The following GPC5 variants were observed in gnomAD, a reference collection of about 807,000 sequenced individuals.
The protein encoded by GPC5 is glypican 5.
Under a neutral mutation model 53.9 loss-of-function variants are expected in GPC5, and 47 were observed. The observed-to-expected ratio is 0.87, with a 90% CI of 0.69 to 1.11. GPC5 has a LOEUF of 1.11. GPC5 is among the 50% of genes most tolerant of loss of function. The pLI is 0.00. For missense variants in GPC5, 748 were observed against 713.1 expected (o/e 1.05, Z -0.56); for synonymous variants, 286 against 263.3 (o/e 1.09, Z -0.84).
At chr13:92,226,989 C>T (rs868538546) in intron 7 of GPC5, among the ~76,000 whole-genome samples, 6 of 152,140 alleles carry the variant, frequency 3.9e-5, no homozygotes, top group African/African-American at 9.7e-5. Context: ...ACCTTGGAAA[C>T]CTACAAGCAA....
At chr13:91,922,528 C>T (rs758712344) in intron 6 of GPC5, among the ~76,000 whole-genome samples, 1 of 152,136 alleles carries the variant, frequency 6.6e-6, no homozygotes, top group Non-Finnish European at 1.5e-5. Flanking sequence ...AAAATTATTA[C>T]GTTGACTTGA....
intron 7 of GPC5, among the ~76,000 whole-genome samples, chr13:92,830,294 G>A (rs763351589): frequency 8.6e-5 from 13 of 151,926 alleles, no homozygotes; most frequent in Non-Finnish European, 1.9e-4. Context: ...AGGATGTGCT[G>A]GAAATATTTG....
At chr13:92,848,416 G>A (rs927737532) in intron 7 of GPC5, among the ~76,000 whole-genome samples, 16 of 151,836 alleles carry the variant, frequency 1.1e-4, no homozygotes, top group African/African-American at 2.7e-4. Flanking sequence ...TAAAGTGTTC[G>A]TTTATATATC....
chr13:91,717,493 A>G (rs1225176723), intron 3 of GPC5, among the ~76,000 whole-genome samples: 1 of 152,158 alleles, frequency 6.6e-6, no homozygotes, highest in Non-Finnish European at 1.5e-5. Flanking sequence ...AGTGAAGGAA[A>G]TTCCAGTGCA....
intron 7 of GPC5, among the ~76,000 whole-genome samples, chr13:92,830,625 T>A (rs572055194): frequency 7.8e-4 from 119 of 152,240 alleles, no homozygotes; most frequent in Middle Eastern, 3.4e-3. Context: ...GGATTTTTTT[T>A]AAAAAAGCTT....
chr13:92,434,591 G>T (rs1453414824), intron 7 of GPC5, among the ~76,000 whole-genome samples: 1 of 152,072 alleles, frequency 6.6e-6, no homozygotes, highest in Non-Finnish European at 1.5e-5. Context: ...GGAAATAATG[G>T]TGCTTTAAAT....
intron 7 of GPC5, among the ~76,000 whole-genome samples, chr13:92,723,909 C>G (rs1888569098): frequency 1.3e-5 from 2 of 151,456 alleles, no homozygotes; most frequent in African/African-American, 4.8e-5. Context: ...AAAAATCTAC[C>G]CCTTTCTGTT....
intron 2 of GPC5, among the ~76,000 whole-genome samples, chr13:91,625,792 A>C (rs2033983201): frequency 6.6e-6 from 1 of 152,148 alleles, no homozygotes; most frequent in African/African-American, 2.4e-5. Flanking sequence ...ATATATAGAT[A>C]AATATAATAC....
At chr13:92,615,909 C>T (rs982112034) in intron 7 of GPC5, among the ~76,000 whole-genome samples, 2 of 152,078 alleles carry the variant, frequency 1.3e-5, no homozygotes, top group Non-Finnish European at 2.9e-5. Context: ...AAAAAATTAG[C>T]CGGGCATAGT....
At chr13:92,804,686 G>A (rs1340467021) in intron 7 of GPC5, among the ~76,000 whole-genome samples, 1 of 151,954 alleles carries the variant, frequency 6.6e-6, no homozygotes, top group Admixed American at 6.6e-5. Flanking sequence ...AGACAACAAT[G>A]AAGTCTGCCA....
chr13:92,186,783 C>T (rs1436834383), intron 7 of GPC5, among the ~76,000 whole-genome samples: 1 of 152,068 alleles, frequency 6.6e-6, no homozygotes, highest in East Asian at 1.9e-4. Flanking sequence ...TGAAGAAATG[C>T]ATATACAAGT....
In GPC5 at chr13:92,104,324, T is replaced by G. The variant is rs375090742; in HGVS notation, c.1402-40506T>G. ...CAAATCTTACTACAGTCAGCATTCT[T>G]TCTTGAAGAAATGCTCTTCAAATTG... On this transcript the variant is annotated intron_variant, in intron 6 of 7. Transcript: ENST00000377067. Among the ~76,000 whole-genome samples, 77 of 152,300 alleles carry G rather than the reference T, an allele frequency of 5.1e-4. 1 individual carries two copies. The East Asian group carries it at 0.012, about 24-fold the overall frequency.
intron 7 of GPC5, among the ~76,000 whole-genome samples, chr13:92,395,021 C>T (rs183130392): frequency 6.6e-6 from 1 of 152,198 alleles, no homozygotes; most frequent in East Asian, 1.9e-4. Flanking sequence ...AGTTAAAGTA[C>T]ATTTCTTGGA....
At chr13:92,526,887 C>CT (rs1454097860) in intron 7 of GPC5, among the ~76,000 whole-genome samples, 1 of 151,284 alleles carries the variant, frequency 6.6e-6, no homozygotes. Context: ...GTTTGAGTAA[C>CT]TGGGTACATA....
intron 5 of GPC5, among the ~76,000 whole-genome samples, chr13:91,787,660 C>G (rs964805743): frequency 6.6e-6 from 1 of 152,130 alleles, no homozygotes; most frequent in South Asian, 2.1e-4. Flanking sequence ...ATGGTTTACA[C>G]ATATTGGCAT....
intron 7 of GPC5, among the ~76,000 whole-genome samples, chr13:92,748,334 T>C (rs1889292712): frequency 6.7e-6 from 1 of 148,444 alleles, no homozygotes; most frequent in South Asian, 2.1e-4. Flanking sequence ...TTATTATTAT[T>C]ATTATTATTA....
chr13:92,706,506 T>C (rs1887956406), intron 7 of GPC5, among the ~76,000 whole-genome samples: 1 of 152,040 alleles, frequency 6.6e-6, no homozygotes. Context: ...TTCAAAGAAG[T>C]ATAGAGCCAG....
At chr13:92,166,955 CT>C in intron 7 of GPC5, among the ~76,000 whole-genome samples, 1 of 41,992 alleles carries the variant, frequency 2.4e-5, no homozygotes, top group Non-Finnish European at 5.5e-5. Context: ...CTCTCTCTCT[CT>C]CACACACACA....
At chr13:91,972,693 C>T (rs1318235258) in intron 6 of GPC5, among the ~76,000 whole-genome samples, 11 of 152,226 alleles carry the variant, frequency 7.2e-5, no homozygotes, top group Admixed American at 7.2e-4. Context: ...ATTTGCTTGT[C>T]TGTAAAGTAT....
Sources: gnomAD v4.1 joint callset for allele counts (sites outside exome capture counted in the v4.1 genomes callset) on GRCh38, gnomAD v4.1.1 for gene constraint, MANE v1.5 for transcripts, NCBI Gene and HGNC (gene_info 2026-07-23, HGNC 2026-07-21) for gene names.